The following BRAF variants were observed in gnomAD, a reference collection of about 807,000 sequenced individuals.
The protein encoded by BRAF is serine/threonine-protein kinase B-raf.
A neutral mutation model predicts 104.6 loss-of-function variants in BRAF; 16 were observed. That is an observed-to-expected ratio of 0.15 (90% CI 0.10 to 0.23). The LOEUF (loss-of-function observed/expected upper bound fraction) is 0.23. Among genes scored for constraint, BRAF ranks in the 10% least tolerant of loss-of-function variants. The pLI is 1.00. For synonymous variants in BRAF, 310 were observed against 341.6 expected, an observed-to-expected ratio of 0.91 and a Z score of 1.02; for missense variants, 541 against 937.3, an observed-to-expected ratio of 0.58 and a Z score of 5.52.
At chr7:140,791,871 G>A (rs1234714304) in intron 8 of BRAF, among the ~76,000 whole-genome samples, 2 of 152,120 alleles carry the variant, frequency 1.3e-5, no homozygotes, top group Admixed American at 1.3e-4. Context: ...CAGTATAGTG[G>A]TTAAGTGTAA....
At chr7:140,761,602 TAA>T (rs976679584) in intron 14 of BRAF, among the ~76,000 whole-genome samples, 3 of 151,966 alleles carry the variant, frequency 2.0e-5, no homozygotes, top group African/African-American at 7.3e-5. Flanking sequence ...GCAAACTGGA[TAA>T]AGAGTCAAGA....
In BRAF at chr7:140,861,198, T is replaced by G. The variant is rs183644742; in HGVS notation, c.139-10986A>C. 1.5e-3 allele frequency among the ~76,000 whole-genome samples: 235 copies of G among 152,286 alleles called. 2 individuals carry two copies. The highest frequency in any genetic ancestry group is 1.3e-4 in the Non-Finnish European group (9 of 68,032). On this transcript the variant is annotated intron_variant, in intron 1 of 19. Transcript: ENST00000644969. ...CTTGGTAGAAAATAAAGGCGCCTTC[T>G]GAGAGAACAAAGAAAAGGGGTTGTC...
intron 19 of BRAF, chr7:140,734,282 A>G: frequency 3.3e-6 from 4 of 1,228,228 alleles, no homozygotes; most frequent in Non-Finnish European, 4.1e-6. Context: ...CAAAAGTTGC[A>G]TGAGAAACTG....
rs2130869526 is a variant in BRAF at position 140,734,760 on chromosome 7, G to C, written c.2258C>G (p.Ser753Cys). 7.2e-7 allele frequency: 1 copy of C among 1,391,962 alleles called. No individual in the cohort carries two copies. Among genetic ancestry groups the C allele is most frequent in the Non-Finnish European group, 9.4e-7 (1 of 1,062,196 alleles). The allele number at this position is 1,391,962 out of a possible 1,614,324, so 86.2% of individuals were successfully genotyped here. The change falls in exon 19 of 20, where the codon TCT (serine) becomes TGT (cysteine). Residue 753 changes from serine to cysteine, a missense_variant. By Grantham distance (112) the Ser-to-Cys change is moderately radical. This residue lies in a region of BRAF where 129 missense variants were observed against 285.8 expected (regional missense o/e 0.45). Coordinates refer to ENST00000644969, the MANE Select transcript of BRAF (RefSeq NM_001374258.1). The stretch of plus-strand genomic sequence containing the variant: ...CAATGAGCGGGCCAGCAGCTCAATA[G>C]AGGCGAGAATCTACAAAAAAAAAAA... ...ERPLFPQILA[S>C]IELLARSLPK...
At chr7:140,767,717 A>C (rs1799463565) in intron 14 of BRAF, among the ~76,000 whole-genome samples, 3 of 152,212 alleles carry the variant, frequency 2.0e-5, no homozygotes, top group Admixed American at 2.0e-4. Flanking sequence ...TTGGGGAAGC[A>C]ACATGCTTTA....
intron 19 of BRAF, chr7:140,732,206 A>C (rs1190284500): frequency 1.6e-5 from 2 of 128,170 alleles, no homozygotes; most frequent in Non-Finnish European, 3.1e-5. Flanking sequence ...AAAAAAAAAA[A>C]AAAAAGGAAA....
At chr7:140,829,835 T>G (rs1367827079) in intron 3 of BRAF, among the ~76,000 whole-genome samples, 1 of 152,224 alleles carries the variant, frequency 6.6e-6, no homozygotes, top group African/African-American at 2.4e-5. Flanking sequence ...AAGGCTGGTT[T>G]TTGTTTAACA....
In BRAF at chr7:140,811,651, C is replaced by T. The variant is rs555156244; in HGVS notation, c.505-2656G>A. On this transcript the variant is annotated intron_variant, in intron 3 of 19. Transcript: ENST00000644969. The stretch of plus-strand genomic sequence containing the variant: ...AGGCAGGCTCTCAGTGGCTAAAAAT[C>T]TGCTTATCAGGATTATATTTAAAAC... Among the ~76,000 whole-genome samples the T allele has an allele frequency of 3.9e-5, 6 of 152,256 alleles. No homozygotes were observed. In the South Asian group the frequency reaches 1.0e-3, roughly 26 times the overall value.
rs1190708258 is a variant in BRAF, at chr7:140,777,198, T to C, written c.1638-110A>G. The C allele has an allele frequency of 5.1e-6, 6 of 1,177,532 alleles. No homozygotes were observed. The Admixed American group carries it at 1.4e-4, about 27-fold the overall frequency. The allele number at this position is 1,177,532 out of a possible 1,614,324, so 72.9% of individuals were successfully genotyped here. On this transcript the variant is annotated intron_variant, in intron 13 of 19. Transcript: ENST00000644969. ...TAAAATGTTGTCAGAAAAAGCTTTT[T>C]TTTTTTTAAAAAAGGCAACAAAAGG... is the stretch of plus-strand genomic sequence containing the variant.
intron 3 of BRAF, among the ~76,000 whole-genome samples, chr7:140,828,873 G>A (rs1806375937): frequency 6.6e-6 from 1 of 152,040 alleles, no homozygotes; most frequent in South Asian, 2.1e-4. Flanking sequence ...TTAACTAAGG[G>A]AGCAGTTTTC....
At chr7:140,764,249 C>A (rs1253215434) in intron 14 of BRAF, among the ~76,000 whole-genome samples, 1 of 151,274 alleles carries the variant, frequency 6.6e-6, no homozygotes, top group African/African-American at 2.4e-5. Context: ...ATTCAACAAC[C>A]CTTCATGCTA....
chr7:140,714,718 G>A (rs1442344365), downstream of BRAF, among the ~76,000 whole-genome samples: 1 of 152,188 alleles, frequency 6.6e-6, no homozygotes, highest in Non-Finnish European at 1.5e-5. Context: ...TGGTACTAAA[G>A]AAGATAAGGT....
At chr7:140,849,702 C>T (rs964179078) in intron 2 of BRAF, among the ~76,000 whole-genome samples, 4 of 151,942 alleles carry the variant, frequency 2.6e-5, no homozygotes, top group African/African-American at 7.2e-5. Context: ...GTCCCAGCTG[C>T]TCAGGAGGCT....
the BRAF span, among the ~76,000 whole-genome samples, chr7:140,714,000 A>G: frequency 6.6e-6 from 1 of 152,098 alleles, no homozygotes; most frequent in African/African-American, 2.4e-5. Context: ...CGGCCGTGTG[A>G]GGTGTCAGTC....
chr7:140,735,132 G>C (rs1398104431), intron 18 of BRAF, among the ~76,000 whole-genome samples: 3 of 152,172 alleles, frequency 2.0e-5, no homozygotes, highest in Non-Finnish European at 2.9e-5. Context: ...TAGACCACAA[G>C]TCTCTTTTGG....
At chr7:140,766,762 G>A (rs1283311100) in intron 14 of BRAF, among the ~76,000 whole-genome samples, 1 of 151,884 alleles carries the variant, frequency 6.6e-6, no homozygotes, top group Non-Finnish European at 1.5e-5. Flanking sequence ...GTTGCCTAGG[G>A]TGGTCTCAAA....
intron 1 of BRAF, among the ~76,000 whole-genome samples, chr7:140,882,457 C>G (rs1463394258): frequency 6.7e-6 from 1 of 149,838 alleles, no homozygotes; most frequent in African/African-American, 2.5e-5. Flanking sequence ...CTCACTGCAA[C>G]CTCTGCCTCC....
intron 1 of BRAF, among the ~76,000 whole-genome samples, chr7:140,920,831 T>C (rs1818137968): frequency 6.6e-6 from 1 of 152,180 alleles, no homozygotes; most frequent in African/African-American, 2.4e-5. Context: ...CAAACAACTA[T>C]TTTATGATTT....
intron 1 of BRAF, among the ~76,000 whole-genome samples, chr7:140,867,548 G>A (rs890755062): frequency 2.6e-5 from 4 of 151,730 alleles, no homozygotes; most frequent in Non-Finnish European, 4.4e-5. Context: ...AACAGACAAT[G>A]TCAGATGGTC....
Sources: gnomAD v4.1 joint callset for allele counts (sites outside exome capture counted in the v4.1 genomes callset) on GRCh38, gnomAD v4.1.1 for gene constraint, gnomAD v4.1.1 regional missense constraint, MANE v1.5 for transcripts, NCBI Gene and HGNC (gene_info 2026-07-23, HGNC 2026-07-21) for gene names.